Variants in HYKK observed in about 807,000 individuals in gnomAD.
HYKK encodes hydroxylysine kinase.
Under a neutral mutation model 29.7 loss-of-function variants are expected in HYKK, and 19 were observed. The observed-to-expected ratio is 0.64, with a 90% CI of 0.45 to 0.94. The LOEUF (loss-of-function observed/expected upper bound fraction) is 0.94. Among genes scored for constraint, HYKK ranks in the 40% least tolerant of loss-of-function variants. HYKK has a pLI of 0.00. For missense variants in HYKK, 390 were observed against 443.4 expected, an observed-to-expected ratio of 0.88 and a Z score of 1.08; for synonymous variants, 152 against 158.1, an observed-to-expected ratio of 0.96 and a Z score of 0.29.
At chr15:78,515,164 T>C in intron 3 of HYKK, 57 bp downstream of exon 3, 1 of 1,328,868 alleles carries the variant, frequency 7.5e-7, no homozygotes, top group South Asian at 1.5e-5. Context: ...GTTATTTTAT[T>C]TTTAAAATAA....
At chr15:78,528,924 GTTGATTTTT>G in intron 4 of HYKK, 1 of 872,170 alleles carries the variant, frequency 1.1e-6, no homozygotes, top group African/African-American at 1.8e-5. Flanking sequence ...TAAAAACAGA[GTTGATTTTT>G]TCCCTTCAAA....
rs1227485982 is a variant in HYKK at position 78,535,709 on chromosome 15, GT to G, written c.*2043del. 1 of 151,996 alleles carries G rather than the reference GT, an allele frequency of 6.6e-6. No homozygotes were observed. The highest frequency in any genetic ancestry group is 1.5e-5 in the Non-Finnish European group (1 of 68,010). 9.4% of individuals were successfully genotyped at this position (151,996 alleles called of 1,614,324 possible). The stretch of plus-strand genomic sequence containing the variant: ...TCTGTCTTTACTGGATTTTTTGTTT[GT>G]TTTGGGCTTTTTTGTTTGTTTGTTT... On this transcript the variant is annotated 3_prime_UTR_variant, in exon 5 of 5. Transcript: ENST00000388988.
At chr15:78,530,681 G>T (rs951548688) in intron 4 of HYKK, among the ~76,000 whole-genome samples, 12 of 151,794 alleles carry the variant, frequency 7.9e-5, no homozygotes, top group Non-Finnish European at 1.6e-4. Flanking sequence ...TTATAGCTGG[G>T]GCTACAGGCA....
chr15:78,511,741 A>C (rs2052075619), intron 1 of HYKK, among the ~76,000 whole-genome samples: 1 of 151,752 alleles, frequency 6.6e-6, no homozygotes, highest in Non-Finnish European at 1.5e-5. Flanking sequence ...AAAAAAAAAA[A>C]ATCAATTCAG....
At chr15:78,527,121 C>CA (rs780522505) in intron 3 of HYKK, among the ~76,000 whole-genome samples, 3,204 of 131,188 alleles carry the variant, frequency 0.024, 81 homozygotes, top group African/African-American at 0.067. Flanking sequence ...ACTAATAATA[C>CA]AAAAAAAAAA....
intron 3 of HYKK, among the ~76,000 whole-genome samples, chr15:78,519,863 A>G (rs991008527): frequency 3.3e-5 from 5 of 152,242 alleles, no homozygotes; most frequent in African/African-American, 1.2e-4. Flanking sequence ...GGTTTAAATG[A>G]CTGTCTGTTA....
At chr15:78,519,335 T>C (rs56928863) in intron 3 of HYKK, among the ~76,000 whole-genome samples, 6,409 of 152,344 alleles carry the variant, frequency 0.042, 456 homozygotes, top group African/African-American at 0.14. Context: ...TTCAAGTAAG[T>C]TTGAGCAAAT....
Position 78,527,481 on chromosome 15 carries a change from G to A in HYKK, c.579G>A (p.Gln193=). 6.2e-7 allele frequency: 1 copy of A among 1,614,150 alleles called. No homozygotes were observed. Residue 193 remains glutamine, a synonymous_variant, in exon 4 of 5, where the codon CAG becomes CAA. Transcript: ENST00000388988. The part of the protein sequence containing the change: ...LLEKYLYALG[Q]NRNREIVEHV... Reference sequence around the variant, plus strand: ...AGAAATACCTGTATGCCCTGGGCCAGAATCGAAACCGAGAGATTGTTGAGC... The same window carrying A: ...AGAAATACCTGTATGCCCTGGGCCAAAATCGAAACCGAGAGATTGTTGAGC...
chr15:78,525,027 A>G (rs1447915144), intron 3 of HYKK, among the ~76,000 whole-genome samples: 1 of 152,230 alleles, frequency 6.6e-6, no homozygotes, highest in Admixed American at 6.5e-5. Context: ...GAAGTATTCA[A>G]ACAGGCTACG....
chr15:78,510,894 G>A (rs553888810), intron 1 of HYKK, among the ~76,000 whole-genome samples: 6 of 150,502 alleles, frequency 4.0e-5, no homozygotes, highest in Admixed American at 4.0e-4. Flanking sequence ...GTTCTCTCAT[G>A]CCCCTTCCCT....
At chr15:78,521,982 C>CTT (rs781592743) in intron 3 of HYKK, among the ~76,000 whole-genome samples, 3 of 140,796 alleles carry the variant, frequency 2.1e-5, no homozygotes, top group African/African-American at 2.6e-5. Context: ...CTTTCTTCTT[C>CTT]TTTTTTTTTT....
At chr15:78,512,080 T>G (rs2052078831) in intron 1 of HYKK, among the ~76,000 whole-genome samples, 1 of 152,228 alleles carries the variant, frequency 6.6e-6, no homozygotes, top group Admixed American at 6.5e-5. Context: ...TTCTTTACAA[T>G]TTAAGGTAAA....
At chr15:78,519,875 A>G (rs62008175) in intron 3 of HYKK, among the ~76,000 whole-genome samples, 21 of 152,364 alleles carry the variant, frequency 1.4e-4, no homozygotes, top group East Asian at 1.2e-3. Flanking sequence ...TGTCTGTTAC[A>G]TAATAGTTTT....
Position 78,535,632 on chromosome 15 carries a change from C to G in HYKK, c.*1962C>G, listed in dbSNP as rs1401590856. 1 of 152,166 alleles carries G rather than the reference C, an allele frequency of 6.6e-6. No individual in the cohort carries two copies. The highest frequency in any genetic ancestry group is 6.5e-5 in the Admixed American group (1 of 15,280). 9.4% of individuals were successfully genotyped at this position (152,166 alleles called of 1,614,324 possible). A position where few individuals can be genotyped will look rare whatever the true frequency, so the allele number is the denominator to read the frequency against. On this transcript the variant is annotated 3_prime_UTR_variant, in exon 5 of 5. Coordinates refer to ENST00000388988, the MANE Select transcript of HYKK (RefSeq NM_001013619.4). ...TTGGAGTAATTTTTTGCTTGCCTCT[C>G]TTATATTCAGTGAGCCCTACTGGTT...
At chr15:78,532,659 G>A (rs1401572519) in intron 4 of HYKK, among the ~76,000 whole-genome samples, 2 of 152,018 alleles carry the variant, frequency 1.3e-5, no homozygotes, top group Non-Finnish European at 2.9e-5. Flanking sequence ...GCTGGGTGTG[G>A]TGGTGGCGCA....
In HYKK at chr15:78,533,688, C is replaced by G. The variant is rs1317535626; in HGVS notation, c.*18C>G. 1.3e-6 allele frequency: 2 copies of G among 1,565,824 alleles called. No individual in the cohort carries two copies. The highest frequency in any genetic ancestry group is 1.7e-5 in the Admixed American group (1 of 58,660). Reference sequence around the variant, plus strand: ...CCATGTGACTGAGATCTCCATGTGACTCAAAGTTCACTTTAACTTGGGTAA... The same window carrying G: ...CCATGTGACTGAGATCTCCATGTGAGTCAAAGTTCACTTTAACTTGGGTAA... On this transcript the variant is annotated 3_prime_UTR_variant, in exon 5 of 5. Transcript: ENST00000388988.
intron 3 of HYKK, among the ~76,000 whole-genome samples, chr15:78,521,619 T>C (rs1426881212): frequency 6.6e-6 from 1 of 152,016 alleles, no homozygotes; most frequent in Non-Finnish European, 1.5e-5. Flanking sequence ...GCCGGAGAAG[T>C]CAGGCAGATC....
chr15:78,524,915 C>A (rs1487273524), intron 3 of HYKK, among the ~76,000 whole-genome samples: 2 of 152,070 alleles, frequency 1.3e-5, no homozygotes, highest in Admixed American at 6.6e-5. Flanking sequence ...CATAAGAAAC[C>A]ACCCCTATGA....
chr15:78,528,314 T>G, intron 4 of HYKK: 1 of 465,736 alleles, frequency 2.1e-6, no homozygotes, highest in Non-Finnish European at 2.8e-6. Flanking sequence ...GAAACAGTTT[T>G]ATCCCAAAAC....
Sources: allele counts gnomAD v4.1 joint callset (sites outside exome capture counted in the v4.1 genomes callset), GRCh38; gene constraint gnomAD v4.1.1; transcripts MANE v1.5; gene names NCBI Gene and HGNC (gene_info 2026-07-23, HGNC 2026-07-21).